The following NEDD9 variants were observed in gnomAD, a reference collection of about 807,000 sequenced individuals.
The protein encoded by NEDD9 is enhancer of filamentation 1.
Under a neutral mutation model 76.6 loss-of-function variants are expected in NEDD9, and 26 were observed. The ratio of observed to expected loss-of-function variants is 0.34; its 90% CI spans 0.25 to 0.47. NEDD9 has a LOEUF of 0.47. NEDD9 is among the 20% of genes least tolerant of loss of function. The pLI is 1.00. For missense variants in NEDD9, 937 were observed against 1,058.5 expected, an observed-to-expected ratio of 0.89 and a Z score of 1.59; for synonymous variants, 392 against 414.2, an observed-to-expected ratio of 0.95 and a Z score of 0.65.
chr6:11,232,734 C>T (rs187039381), upstream of NEDD9: 57 of 1,428,712 alleles, frequency 4.0e-5, 1 homozygote, highest in East Asian at 1.4e-3. Context: ...CCGCCATTGG[C>T]TAGTGGGACA....
chr6:11,291,115 G>C (rs1760751507), intron 3 of NEDD9, among the ~76,000 whole-genome samples: 2 of 152,052 alleles, frequency 1.3e-5, no homozygotes, highest in Admixed American at 6.5e-5. Flanking sequence ...TGGACCACGA[G>C]TGAGAACAGT....
At chr6:11,200,440 A>G (rs1758414865) in intron 2 of NEDD9, 1 of 774,658 alleles carries the variant, frequency 1.3e-6, no homozygotes, top group African/African-American at 1.9e-5. Flanking sequence ...ACAATGTCCC[A>G]CATACAATCA....
Position 11,190,924 on chromosome 6 carries a change from G to C in NEDD9, c.945C>G (p.Asp315Glu), listed in dbSNP as rs144375272. ...QLGQSVGSQN[D>E]AYDVPRGVQF... Reference sequence around the variant, plus strand: ...GAACGCCTCGGGGGACATCATATGCGTCGTTCTGAGAGCCCACTGACTGTC... The same window carrying C: ...GAACGCCTCGGGGGACATCATATGCCTCGTTCTGAGAGCCCACTGACTGTC... Residue 315 changes from aspartate to glutamate, a missense_variant, in exon 5 of 7, where the codon GAC (aspartate) becomes GAG (glutamate). Transcript: ENST00000379446. The surrounding 1 kb of genome is among the most constrained non-coding windows in gnomAD (Gnocchi z 5.8). 5.6e-5 allele frequency: 91 copies of C among 1,613,932 alleles called. No homozygotes were observed. The highest frequency in any genetic ancestry group is 3.3e-4 in the African/African-American group (25 of 74,868).
intron 1 of NEDD9, among the ~76,000 whole-genome samples, chr6:11,219,727 A>G (rs892239810): frequency 2.0e-5 from 3 of 152,266 alleles, no homozygotes; most frequent in Admixed American, 6.5e-5. Flanking sequence ...CATACTGACG[A>G]AAACCGGCTT....
intron 1 of NEDD9, among the ~76,000 whole-genome samples, chr6:11,374,983 C>G (rs747412801): frequency 6.6e-6 from 1 of 152,164 alleles, no homozygotes; most frequent in Non-Finnish European, 1.5e-5. Flanking sequence ...CCCCTTCCCT[C>G]CTTTGATGTC....
chr6:11,243,532 T>C (rs940826853), intron 3 of NEDD9, among the ~76,000 whole-genome samples: 3 of 152,218 alleles, frequency 2.0e-5, no homozygotes, highest in Non-Finnish European at 4.4e-5. Context: ...CCAGCCTCCA[T>C]TGTCCAAGCC....
chr6:11,279,163 T>C (rs557812616), intron 3 of NEDD9, among the ~76,000 whole-genome samples: 1 of 152,322 alleles, frequency 6.6e-6, no homozygotes. Context: ...TTTAATAGGG[T>C]GAACTTGAGC....
In NEDD9 at chr6:11,370,408, T is replaced by C. The variant is rs7760294; in HGVS notation, c.-214+11731A>G. Among the ~76,000 whole-genome samples the C allele has an allele frequency of 0.067, 10,135 of 152,264 alleles. 370 individuals are homozygous for C. Among genetic ancestry groups the C allele is most frequent in the Non-Finnish European group, 0.067 (4,539 of 68,008 alleles). On this transcript the variant is annotated intron_variant, in intron 1 of 3. Transcript: ENST00000397378. The surrounding 1 kb of genome is among the most constrained non-coding windows in gnomAD (Gnocchi z 4.2). ...AAATTTGCTTTCCTGAGGAAAAGTCTGCCTTTGCCTACAGCACGCACACAC... is the reference window on the plus strand; with the variant it reads ...AAATTTGCTTTCCTGAGGAAAAGTCCGCCTTTGCCTACAGCACGCACACAC...
chr6:11,374,067 T>C (rs948963512), intron 1 of NEDD9, among the ~76,000 whole-genome samples: 10 of 141,784 alleles, frequency 7.1e-5, no homozygotes, highest in Non-Finnish European at 4.5e-5. Flanking sequence ...TCTCTCTCTC[T>C]ATATATATAT....
chr6:11,373,902 G>T (rs747735908), intron 1 of NEDD9, among the ~76,000 whole-genome samples: 3 of 152,198 alleles, frequency 2.0e-5, no homozygotes, highest in Non-Finnish European at 4.4e-5. Flanking sequence ...CATCCACAGA[G>T]CAAGAAGGAA....
At chr6:11,334,779 C>G (rs1454889538) in intron 1 of NEDD9, among the ~76,000 whole-genome samples, 2 of 152,130 alleles carry the variant, frequency 1.3e-5, no homozygotes, top group African/African-American at 4.8e-5. Flanking sequence ...AAAGCAAATT[C>G]AAGCAATTTT....
intron 2 of NEDD9, among the ~76,000 whole-genome samples, chr6:11,320,368 G>A (rs1476432277): frequency 2.0e-5 from 3 of 152,114 alleles, no homozygotes; most frequent in Non-Finnish European, 2.9e-5. Context: ...ATACTCTCTC[G>A]CCTTTTTCTT....
chr6:11,357,087 C>CT (rs1206727477), intron 1 of NEDD9, among the ~76,000 whole-genome samples: 2 of 152,182 alleles, frequency 1.3e-5, no homozygotes, highest in Non-Finnish European at 2.9e-5. Context: ...TCGTTTTTCA[C>CT]TTTTGAAGGC....
intron 1 of NEDD9, among the ~76,000 whole-genome samples, chr6:11,358,099 T>G (rs1320430799): frequency 6.6e-6 from 1 of 151,842 alleles, no homozygotes; most frequent in East Asian, 1.9e-4. Context: ...ATACAAAAAA[T>G]TAGCCGGGCG....
At chr6:11,279,031 C>T in intron 3 of NEDD9, among the ~76,000 whole-genome samples, 1 of 152,004 alleles carries the variant, frequency 6.6e-6, no homozygotes, top group East Asian at 1.9e-4. Flanking sequence ...TTACATTATA[C>T]TCATTATTCT....
At chr6:11,286,511 T>C (rs1760652559) in intron 3 of NEDD9, among the ~76,000 whole-genome samples, 1 of 152,198 alleles carries the variant, frequency 6.6e-6, no homozygotes, top group Non-Finnish European at 1.5e-5. Context: ...TGCACACCCT[T>C]TTACATAAAT....
At chr6:11,338,468 C>G (rs1157923731) in intron 1 of NEDD9, among the ~76,000 whole-genome samples, 2 of 152,056 alleles carry the variant, frequency 1.3e-5, no homozygotes, top group Admixed American at 1.3e-4. Context: ...TAACAACAGC[C>G]CTAGCAAACT....
At chr6:11,319,208 A>C (rs2113462435) in intron 2 of NEDD9, among the ~76,000 whole-genome samples, 1 of 152,336 alleles carries the variant, frequency 6.6e-6, no homozygotes, top group Admixed American at 6.5e-5. Context: ...CAACATGACC[A>C]AGCTCTGCTG....
At chr6:11,369,181 T>C (rs996204458) in intron 1 of NEDD9, among the ~76,000 whole-genome samples, 20 of 152,328 alleles carry the variant, frequency 1.3e-4, no homozygotes, top group African/African-American at 4.3e-4. Flanking sequence ...CCCCAACTTA[T>C]GTTGCTTGAT....
Sources: gnomAD v4.1 joint callset for allele counts (sites outside exome capture counted in the v4.1 genomes callset) on GRCh38, gnomAD v4.1.1 for gene constraint, Gnocchi (gnomAD v3.1) non-coding constraint, MANE v1.5 for transcripts, NCBI Gene and HGNC (gene_info 2026-07-23, HGNC 2026-07-21) for gene names.